CUX2: variants seen among roughly 807,000 people sequenced by gnomAD.
CUX2 encodes the protein cut like homeobox 2, also known as homeobox protein cut-like 2.
A neutral mutation model predicts 144.8 loss-of-function variants in CUX2; 40 were observed. The ratio of observed to expected loss-of-function variants is 0.28; its 90% CI spans 0.21 to 0.36. The LOEUF (loss-of-function observed/expected upper bound fraction) is 0.36. Among genes scored for constraint, CUX2 ranks in the 10% least tolerant of loss-of-function variants. The pLI, the probability that CUX2 is intolerant of heterozygous loss-of-function variation, is 1.00. For missense variants in CUX2, 1,615 were observed against 1,994.0 expected (o/e 0.81, Z 3.62); for synonymous variants, 827 against 875.6 (o/e 0.94, Z 0.98).
chr12:111,213,596 A>C (rs2136224179), intron 1 of CUX2, among the ~76,000 whole-genome samples: 1 of 152,342 alleles, frequency 6.6e-6, no homozygotes, highest in East Asian at 1.9e-4. Context: ...TAAATGATTT[A>C]CTGCGAGATA....
intron 3 of CUX2, among the ~76,000 whole-genome samples, chr12:111,223,546 G>A (rs1881963353): frequency 6.6e-6 from 1 of 152,176 alleles, no homozygotes; most frequent in African/African-American, 2.4e-5. Flanking sequence ...ATAGCCTTTA[G>A]CCTACCTGCT....
intron 4 of CUX2, among the ~76,000 whole-genome samples, chr12:111,275,022 G>A (rs1012245568): frequency 7.9e-5 from 12 of 151,842 alleles, no homozygotes; most frequent in Non-Finnish European, 1.3e-4. Flanking sequence ...TGGAATAGGC[G>A]AAGTTGTACC....
At position 111,192,842 on chromosome 12, in the gene CUX2, A is replaced by G. The variant is rs1035944573; in HGVS notation, c.64-21358A>G. Among the ~76,000 whole-genome samples, 8 of 152,254 alleles carry G rather than the reference A, an allele frequency of 5.3e-5. No individual in the cohort carries two copies. The South Asian group carries it at 8.3e-4, about 16-fold the overall frequency. The stretch of plus-strand genomic sequence containing the variant: ...CACATGGTGGAATTTTCCAGAAGCT[A>G]TCCAAGGTGTGATGACATCATCGTT... On this transcript the variant is annotated intron_variant, in intron 1 of 21. Transcript: ENST00000261726.
chr12:111,211,189 G>C (rs567520613), intron 1 of CUX2, among the ~76,000 whole-genome samples: 2 of 152,198 alleles, frequency 1.3e-5, no homozygotes, highest in African/African-American at 4.8e-5. Context: ...AAGAATTCAG[G>C]GTTGAAGGAC....
Position 111,183,496 on chromosome 12 carries a change from G to A in CUX2, c.64-30704G>A, listed in dbSNP as rs974185513. ...ACCGGGGTCTCAGAGGCAGGGTGAG[G>A]TTGTTGTTTACCTGGCTGGGAGCCA... On this transcript the variant is annotated intron_variant, in intron 1 of 21. Transcript: ENST00000261726. 5.9e-5 allele frequency among the ~76,000 whole-genome samples: 9 copies of A among 152,360 alleles called. No individual in the cohort carries two copies. In the South Asian group the frequency reaches 1.7e-3, roughly 28 times the overall value.
At chr12:111,235,009 G>T (rs1481118482) in intron 3 of CUX2, among the ~76,000 whole-genome samples, 1 of 152,140 alleles carries the variant, frequency 6.6e-6, no homozygotes, top group South Asian at 2.1e-4. Context: ...ATGAGCCACT[G>T]TCCCCAGCCC....
At chr12:111,167,654 A>G (rs1302058961) in intron 1 of CUX2, among the ~76,000 whole-genome samples, 1 of 151,808 alleles carries the variant, frequency 6.6e-6, no homozygotes, top group Non-Finnish European at 1.5e-5. Context: ...TAACAATCCT[A>G]TTAGGTTGGC....
At chr12:111,242,736 C>T (rs765644202) in intron 3 of CUX2, among the ~76,000 whole-genome samples, 17 of 152,130 alleles carry the variant, frequency 1.1e-4, no homozygotes, top group Non-Finnish European at 1.5e-4. Context: ...ATCGCTTGAA[C>T]CTGGGAGGCA....
chr12:111,179,570 C>G (rs1031471119), intron 1 of CUX2, among the ~76,000 whole-genome samples: 1 of 151,718 alleles, frequency 6.6e-6, no homozygotes, highest in African/African-American at 2.4e-5. Flanking sequence ...GAGTTCATTC[C>G]GGCTGATCTG....
intron 1 of CUX2, among the ~76,000 whole-genome samples, chr12:111,047,130 G>A (rs1210295277): frequency 6.7e-6 from 1 of 149,716 alleles, no homozygotes; most frequent in Non-Finnish European, 1.5e-5. Context: ...ATCCATCCCC[G>A]GCCCCCGCTG....
intron 3 of CUX2, among the ~76,000 whole-genome samples, chr12:111,249,884 G>A (rs1183749459): frequency 4.6e-5 from 7 of 152,076 alleles, no homozygotes; most frequent in African/African-American, 1.2e-4. Flanking sequence ...TCACATTAGC[G>A]TGTGGTGCAT....
chr12:111,054,788 G>A (rs556127705), intron 1 of CUX2, among the ~76,000 whole-genome samples: 1 of 152,190 alleles, frequency 6.6e-6, no homozygotes, highest in Non-Finnish European at 1.5e-5. Flanking sequence ...CACCACGCCC[G>A]CCTAATTTTT....
At chr12:111,286,362 C>T (rs1301154672) in intron 4 of CUX2, among the ~76,000 whole-genome samples, 1 of 152,178 alleles carries the variant, frequency 6.6e-6, no homozygotes, top group African/African-American at 2.4e-5. Flanking sequence ...GTTAGCTTGG[C>T]CAGTTGCAGT....
intron 1 of CUX2, among the ~76,000 whole-genome samples, chr12:111,166,202 G>A (rs1014169475): frequency 1.3e-5 from 2 of 151,914 alleles, no homozygotes; most frequent in African/African-American, 4.8e-5. Flanking sequence ...TCATTTTTTT[G>A]TAAAGACGAA....
chr12:111,347,124 T>C (rs1888840673), intron 21 of CUX2, among the ~76,000 whole-genome samples: 1 of 152,146 alleles, frequency 6.6e-6, no homozygotes, highest in Admixed American at 6.5e-5. Context: ...CGGTGTGTAT[T>C]GTACCCTTAC....
At chr12:111,342,602 T>A (rs927489702) in intron 21 of CUX2, among the ~76,000 whole-genome samples, 1 of 152,100 alleles carries the variant, frequency 6.6e-6, no homozygotes, top group Non-Finnish European at 1.5e-5. Context: ...GGGTGGACAG[T>A]AGCAGGATCT....
intron 1 of CUX2, among the ~76,000 whole-genome samples, chr12:111,120,002 G>A (rs1444981411): frequency 6.6e-6 from 1 of 152,196 alleles, no homozygotes; most frequent in Non-Finnish European, 1.5e-5. Context: ...AGTTTGCAGT[G>A]AGTCAAGATC....
chr12:111,084,678 A>G (rs1872095347), intron 1 of CUX2, among the ~76,000 whole-genome samples: 1 of 152,250 alleles, frequency 6.6e-6, no homozygotes, highest in Admixed American at 6.5e-5. Context: ...AAGGACTCAC[A>G]GCGATGAATT....
Position 111,183,762 on chromosome 12 carries a change from G to A in CUX2, c.64-30438G>A, listed in dbSNP as rs186061927. 5.3e-5 allele frequency among the ~76,000 whole-genome samples: 8 copies of A among 152,246 alleles called. No individual in the cohort carries two copies. In the East Asian group the frequency reaches 1.2e-3, roughly 22 times the overall value. On this transcript the variant is annotated intron_variant, in intron 1 of 21. Transcript: ENST00000261726. ...TCAGTGCTCACATAGTGCCTGGCGC[G>A]TTCTGTTTGGTGGCAGTAATTATTG...
Sources: allele counts gnomAD v4.1 joint callset (sites outside exome capture counted in the v4.1 genomes callset), GRCh38; gene constraint gnomAD v4.1.1; transcripts MANE v1.5; gene names NCBI Gene and HGNC (gene_info 2026-07-23, HGNC 2026-07-21).